The following LARP6 variants were observed in gnomAD, a reference collection of about 807,000 sequenced individuals.
LARP6 encodes la-related protein 6.
A neutral mutation model predicts 32.8 loss-of-function variants in LARP6; 18 were observed. That is an observed-to-expected ratio of 0.55 (90% CI 0.38 to 0.81). The LOEUF (loss-of-function observed/expected upper bound fraction) is 0.81. LARP6 is among the 40% of genes least tolerant of loss of function. The pLI is 0.00. For missense variants in LARP6, 598 were observed against 663.1 expected (o/e 0.90, Z 1.08); for synonymous variants, 289 against 267.2 (o/e 1.08, Z -0.80).
At position 70,831,116 on chromosome 15, in the gene LARP6, T is replaced by A. The variant is rs188373952; in HGVS notation, c.*936A>T. Reference sequence around the variant, plus strand: ...CAAATTCCAGGCCTTTCTCCCAGACTTTCTAATTCAGTGGGCCTAGGGTTG... The same window carrying A: ...CAAATTCCAGGCCTTTCTCCCAGACATTCTAATTCAGTGGGCCTAGGGTTG... On this transcript the variant is annotated 3_prime_UTR_variant, in exon 3 of 3. Coordinates refer to ENST00000299213, the MANE Select transcript of LARP6 (RefSeq NM_018357.4). 1 of 152,370 alleles carries A rather than the reference T, an allele frequency of 6.6e-6. No homozygotes were observed. The highest frequency in any genetic ancestry group is 2.4e-5 in the African/African-American group (1 of 41,564). The allele number at this position is 152,370 out of a possible 1,614,324, so 9.4% of individuals were successfully genotyped here. A position where few individuals can be genotyped will look rare whatever the true frequency, so the allele number is the denominator to read the frequency against.
rs992927349 is a variant in LARP6 at position 70,829,731 on chromosome 15, T to C, written c.*2321A>G. On this transcript the variant is annotated 3_prime_UTR_variant, in exon 3 of 3. Coordinates refer to ENST00000299213, the MANE Select transcript of LARP6 (RefSeq NM_018357.4). ...AAAAGCCACGACTCGACCTCAGATC[T>C]GCTGACCCCCACTTCAGGGTTCTTT... is the stretch of plus-strand genomic sequence containing the variant. The C allele has an allele frequency of 6.6e-6, 1 of 151,450 alleles. No individual in the cohort carries two copies. The highest frequency in any genetic ancestry group is 6.6e-5 in the Admixed American group (1 of 15,162). 9.4% of individuals were successfully genotyped at this position (151,450 alleles called of 1,614,324 possible). A position where few individuals can be genotyped will look rare whatever the true frequency, so the allele number is the denominator to read the frequency against.
At chr15:70,833,187 C>G (rs1230617269) in intron 2 of LARP6, 71 bp from the exon 3 acceptor site, 1 of 1,231,686 alleles carries the variant, frequency 8.1e-7, no homozygotes, top group African/African-American at 1.5e-5. Context: ...CTATAAGCTC[C>G]CTCCCTCACT....
chr15:70,837,449 G>A (rs528090598), intron 1 of LARP6, among the ~76,000 whole-genome samples: 35 of 152,182 alleles, frequency 2.3e-4, no homozygotes, highest in Non-Finnish European at 4.3e-4. Flanking sequence ...GCTCTGCCAC[G>A]GGCAAAATGC....
intron 2 of LARP6, among the ~76,000 whole-genome samples, chr15:70,835,891 T>C (rs1419869926): frequency 6.6e-6 from 1 of 152,204 alleles, no homozygotes; most frequent in Non-Finnish European, 1.5e-5. Context: ...ATTCTCTCCC[T>C]TTGCTTATTC....
chr15:70,846,836 TTCCTGTCTCTGAA>T (rs2032356844), intron 1 of LARP6, among the ~76,000 whole-genome samples: 1 of 152,302 alleles, frequency 6.6e-6, no homozygotes, highest in Admixed American at 6.5e-5. Flanking sequence ...GAGCTTGCTG[TTCCTGTCTCTGAA>T]TGCCTTGCTC....
At chr15:70,836,851 T>C (rs2032157775) in intron 1 of LARP6, among the ~76,000 whole-genome samples, 1 of 152,026 alleles carries the variant, frequency 6.6e-6, no homozygotes, top group Non-Finnish European at 1.5e-5. Context: ...ATGGATCCAT[T>C]TCTAGTACTT....
chr15:70,843,503 C>A (rs1595953940), intron 1 of LARP6, among the ~76,000 whole-genome samples: 1 of 152,136 alleles, frequency 6.6e-6, no homozygotes, highest in Non-Finnish European at 1.5e-5. Flanking sequence ...TTCTCACTTG[C>A]CAACCGTAGT....
intron 1 of LARP6, among the ~76,000 whole-genome samples, chr15:70,839,014 T>C (rs1450249083): frequency 6.6e-6 from 1 of 152,082 alleles, no homozygotes; most frequent in Non-Finnish European, 1.5e-5. Context: ...TTTAAAAATT[T>C]TTCAAATTCA....
intron 1 of LARP6, chr15:70,851,672 T>A (rs765852045): frequency 6.2e-7 from 1 of 1,614,022 alleles, no homozygotes; most frequent in Non-Finnish European, 8.5e-7. Flanking sequence ...GTGCTGAAGA[T>A]ACAATGAACG....
chr15:70,836,177 G>T, intron 2 of LARP6, 118 bp downstream of exon 2: 1 of 790,066 alleles, frequency 1.3e-6, no homozygotes. Context: ...TTCAGGCACA[G>T]ACTTAATTTT....
chr15:70,833,043 T>A lies in LARP6; in HGVS notation c.485A>T (p.Glu162Val). 1 of 1,614,072 alleles carries A rather than the reference T, an allele frequency of 6.2e-7. No homozygotes were observed. The highest frequency in any genetic ancestry group is 8.5e-7 in the Non-Finnish European group (1 of 1,179,982). ...GGTCCTCCTCACCTTCCGGTGGTCCTCATTCAACTCAAGGACCACTGAATA... is the reference window on the plus strand; with the variant it reads ...GGTCCTCCTCACCTTCCGGTGGTCCACATTCAACTCAAGGACCACTGAATA... ...LKYSVVLELNEDHRKVRRTTP... is the reference protein window; with the variant it reads ...LKYSVVLELNVDHRKVRRTTP... Residue 162 changes from glutamate to valine, a missense_variant, in exon 3 of 3, where the codon GAG (glutamate) becomes GTG (valine). Physicochemically the swap from Glu to Val is moderately radical, Grantham distance 121. Coordinates refer to ENST00000299213, the MANE Select transcript of LARP6 (RefSeq NM_018357.4).
At chr15:70,841,262 A>G (rs2032253690) in intron 1 of LARP6, among the ~76,000 whole-genome samples, 3 of 152,088 alleles carry the variant, frequency 2.0e-5, no homozygotes, top group Admixed American at 1.3e-4. Context: ...GAGCTTCCCA[A>G]TCTTCCCAAG....
In LARP6 at chr15:70,853,881, G is replaced by T; in HGVS notation, c.200+8C>A. 7.8e-7 allele frequency: 1 copy of T among 1,276,888 alleles called. No homozygotes were observed. The highest frequency in any genetic ancestry group is 3.3e-5 in the East Asian group (1 of 30,736). The allele number at this position is 1,276,888 out of a possible 1,614,324, so 79.1% of individuals were successfully genotyped here. ...GGGCCCACCTCCCGGGCCAGCCGCC[G>T]CGCCTACCTGTGCCCGCGGCTCGGC... On this transcript the variant is annotated splice_region_variant and intron_variant, in intron 1 of 2. Coordinates refer to ENST00000299213, the MANE Select transcript of LARP6 (RefSeq NM_018357.4).
rs372931815 is a variant in LARP6 at position 70,832,256 on chromosome 15, G to A, written c.1272C>T (p.Ser424=). 45 of 1,614,058 alleles carry A rather than the reference G, an allele frequency of 2.8e-5. No individual in the cohort carries two copies. The highest frequency in any genetic ancestry group is 6.7e-5 in the African/African-American group (5 of 74,938). Residue 424 remains serine (S), a synonymous_variant, in exon 3 of 3, where the codon AGC becomes AGT. Transcript: ENST00000299213. ...CCCAGGGGCTGCCAGAGGGAGTGAC[G>A]CTGCTGTCAGAGGAATAATCCATAC... ...RKCMDYSSDS[S]VTPSGSPWVR...
At chr15:70,837,579 A>G (rs750105112) in intron 1 of LARP6, among the ~76,000 whole-genome samples, 16 of 152,182 alleles carry the variant, frequency 1.1e-4, no homozygotes, top group Non-Finnish European at 1.9e-4. Context: ...TTTATTAAAG[A>G]ATAAAAGCTT....
rs2141063831 is a variant in LARP6 at position 70,854,091 on chromosome 15, C to G, written c.-3G>C. The G allele has an allele frequency of 7.7e-7, 1 of 1,290,372 alleles. No individual in the cohort carries two copies. Among genetic ancestry groups the G allele is most frequent in the South Asian group, 2.5e-5 (1 of 40,382 alleles). The allele number at this position is 1,290,372 out of a possible 1,614,324, so 79.9% of individuals were successfully genotyped here. ...GCCTCCCCGCCGGACTGGGCCATGG[C>G]TCGCGGGACTGCGGCGCCGCCGGGG... On this transcript the variant is annotated 5_prime_UTR_variant, in exon 1 of 3. Transcript: ENST00000299213.
intron 1 of LARP6, among the ~76,000 whole-genome samples, chr15:70,845,261 G>A (rs1209752583): frequency 6.6e-6 from 1 of 152,056 alleles, no homozygotes; most frequent in East Asian, 1.9e-4. Context: ...TCCCATCCAG[G>A]ACACCACAAT....
At position 70,829,442 on chromosome 15, in the gene LARP6, T is replaced by C. The variant is rs1440132194; in HGVS notation, c.*2610A>G. ...GCGTGAGCCACCGTGCCCAGCCCCA[T>C]AGGCAGTTTTTAAAAGCTCTTTAGG... On this transcript the variant is annotated 3_prime_UTR_variant, in exon 3 of 3. Transcript: ENST00000299213. The C allele has an allele frequency of 2.0e-5, 3 of 152,398 alleles. No homozygotes were observed. Among genetic ancestry groups the C allele is most frequent in the Non-Finnish European group, 4.4e-5 (3 of 68,200 alleles). The allele number at this position is 152,398 out of a possible 1,614,324, so 9.4% of individuals were successfully genotyped here.
Position 70,836,294 on chromosome 15 carries a change from C to A in LARP6, c.411+1G>T. The A allele has an allele frequency of 6.2e-7, 1 of 1,613,898 alleles. No homozygotes were observed. The highest frequency in any genetic ancestry group is 8.5e-7 in the Non-Finnish European group (1 of 1,179,760). On this transcript the variant is annotated splice_donor_variant, in intron 2 of 2. Coordinates refer to ENST00000299213, the MANE Select transcript of LARP6 (RefSeq NM_018357.4). LOFTEE classifies it high-confidence loss of function. The stretch of plus-strand genomic sequence containing the variant: ...AGCAGCTTCTGAGAACCAAGCCTCA[C>A]CTTTTTGAAGGATGTGAGTAGCTTA...
Sources: allele counts gnomAD v4.1 joint callset (sites outside exome capture counted in the v4.1 genomes callset), GRCh38; gene constraint gnomAD v4.1.1; transcripts MANE v1.5; gene names NCBI Gene and HGNC (gene_info 2026-07-23, HGNC 2026-07-21).